Variants in GCSAML observed in about 807,000 individuals in gnomAD.
GCSAML encodes germinal center associated signaling and motility like.
A neutral mutation model predicts 13.0 loss-of-function variants in GCSAML; 9 were observed. The ratio of observed to expected loss-of-function variants is 0.69; its 90% confidence interval spans 0.42 to 1.21. The LOEUF (loss-of-function observed/expected upper bound fraction) is 1.21, where lower values mean the gene tolerates loss of function less well. GCSAML is among the 50% of genes most tolerant of loss of function. GCSAML has a pLI of 0.00. For missense variants in GCSAML, 143 were observed against 153.4 expected (o/e 0.93, Z 0.36); for synonymous variants, 37 against 52.9 (o/e 0.70, Z 1.31).
intron 1 of GCSAML, among the ~76,000 whole-genome samples, chr1:247,552,390 A>G (rs1667805431): frequency 6.6e-6 from 1 of 152,194 alleles, no homozygotes; most frequent in African/African-American, 2.4e-5. Flanking sequence ...ACACGGATGC[A>G]GAGAGCCTCC....
chr1:247,508,751 CATTT>C (rs1239872767), intron 1 of GCSAML, among the ~76,000 whole-genome samples: 2 of 152,132 alleles, frequency 1.3e-5, no homozygotes, highest in Admixed American at 1.3e-4. Flanking sequence ...TTCCCAGCAC[CATTT>C]ATTAAGAAGG....
In GCSAML at chr1:247,527,794, T is replaced by A. The variant is rs1666741547; in HGVS notation, c.-148+740T>A. 6.6e-6 allele frequency: 1 copy of A among 152,174 alleles called. No individual in the cohort carries two copies. The highest frequency in any genetic ancestry group is 1.5e-5 in the Non-Finnish European group (1 of 68,030). 9.4% of individuals were successfully genotyped at this position (152,174 alleles called of 1,614,324 possible). A position where few individuals can be genotyped will look rare whatever the true frequency, so the allele number is the denominator to read the frequency against. ...CTGTTTGAAAATACAGAATATATTA[T>A]TGTTATGGTCATCCCGCAGTGGTAT... On this transcript the variant is annotated intron_variant, in intron 2 of 5. Transcript: ENST00000366489. This position sits in a 1 kb window ranked among gnomAD's most constrained non-coding sequence, Gnocchi z 4.6.
At chr1:247,573,029 C>T (rs2103081199) in intron 4 of GCSAML, among the ~76,000 whole-genome samples, 1 of 152,314 alleles carries the variant, frequency 6.6e-6, no homozygotes. Context: ...CCCCACCAAG[C>T]TCGAATGTCC....
intron 1 of GCSAML, among the ~76,000 whole-genome samples, chr1:247,521,388 G>GTCTCCC (rs1460282484): frequency 1.3e-5 from 1 of 79,930 alleles, no homozygotes; most frequent in African/African-American, 3.8e-5. Context: ...CCTCTCCACG[G>GTCTCCC]TCTCCCTCTC....
At chr1:247,559,541 G>A (rs566045603) in intron 2 of GCSAML, among the ~76,000 whole-genome samples, 1 of 152,134 alleles carries the variant, frequency 6.6e-6, no homozygotes, top group Non-Finnish European at 1.5e-5. Flanking sequence ...GACATTGCAG[G>A]CAGCTTCCTC....
In GCSAML at chr1:247,527,678, TATAGTGATCAG is replaced by T. The variant is rs1274661609; in HGVS notation, c.-148+628_-148+638del. The T allele has an allele frequency of 6.6e-6, 1 of 152,392 alleles. No homozygotes were observed. Among genetic ancestry groups the T allele is most frequent in the Admixed American group, 6.5e-5 (1 of 15,304 alleles). 9.4% of individuals were successfully genotyped at this position (152,392 alleles called of 1,614,324 possible). A position where few individuals can be genotyped will look rare whatever the true frequency, so the allele number is the denominator to read the frequency against. On this transcript the variant is annotated intron_variant, in intron 2 of 5. Transcript: ENST00000366489. This position sits in a 1 kb window ranked among gnomAD's most constrained non-coding sequence, Gnocchi z 4.6. ...CAGTGATGTTTGGAAGCACATAATG[TATAGTGATCAG>T]ATAAGTGTGATTAGAATATCCATCA...
Position 247,549,171 on chromosome 1 carries a change from A to G in GCSAML, c.-21A>G. 6.2e-7 allele frequency: 1 copy of G among 1,614,174 alleles called. No individual in the cohort carries two copies. Among genetic ancestry groups the G allele is most frequent in the Non-Finnish European group, 8.5e-7 (1 of 1,180,020 alleles). On this transcript the variant is annotated 5_prime_UTR_variant, in exon 1 of 5. Coordinates refer to ENST00000366488, the MANE Select transcript of GCSAML (RefSeq NM_145278.5). ...AGTGGAGTGAAACTCAGGAGCTGAGAAACCGAGTCACTGTGAAAAGATGGG... is the reference window on the plus strand; with the variant it reads ...AGTGGAGTGAAACTCAGGAGCTGAGGAACCGAGTCACTGTGAAAAGATGGG...
At chr1:247,521,712 C>T (rs1666438021) in intron 1 of GCSAML, among the ~76,000 whole-genome samples, 1 of 152,218 alleles carries the variant, frequency 6.6e-6, no homozygotes, top group Non-Finnish European at 1.5e-5. Flanking sequence ...AGCGCAGTGG[C>T]ATGATCTCAG....
chr1:247,556,352 A>G lies in GCSAML; in HGVS notation c.30-55A>G, dbSNP rs150071532. 672 of 1,291,388 alleles carry G rather than the reference A, an allele frequency of 5.2e-4. No homozygotes were observed. The African/African-American group carries it at 9.3e-3, about 18-fold the overall frequency. The allele number at this position is 1,291,388 out of a possible 1,614,324, so 80.0% of individuals were successfully genotyped here. ...GTCTAGAAAGTTAGAGAAGAAGGTG[A>G]AAAAATGTGGAGGGCAGTAACAATC... is the stretch of plus-strand genomic sequence containing the variant. On this transcript the variant is annotated intron_variant, in intron 1 of 4. Transcript: ENST00000366488.
chr1:247,510,973 G>A (rs966090130), intron 1 of GCSAML, among the ~76,000 whole-genome samples: 4 of 152,068 alleles, frequency 2.6e-5, no homozygotes, highest in African/African-American at 9.7e-5. Context: ...TGTATATTCT[G>A]TTGATCTGGG....
At chr1:247,536,649 G>A (rs924479764) in intron 2 of GCSAML, among the ~76,000 whole-genome samples, 1 of 152,122 alleles carries the variant, frequency 6.6e-6, no homozygotes, top group Non-Finnish European at 1.5e-5. Flanking sequence ...AGGGAAAAAA[G>A]CTTTTGGGAT....
intron 2 of GCSAML, among the ~76,000 whole-genome samples, chr1:247,539,268 T>C (rs1340848396): frequency 6.6e-6 from 1 of 152,212 alleles, no homozygotes; most frequent in African/African-American, 2.4e-5. Context: ...TCAAACTTCA[T>C]GGCTCTTCAT....
In GCSAML at chr1:247,508,738, GT is replaced by G. The variant is rs1241559522; in HGVS notation, c.-263+1509del. On this transcript the variant is annotated intron_variant, in intron 1 of 5. Transcript: ENST00000366489. ...TCAGTTTTCTGCATGTGGCTAGCCA[GT>G]TTTCCCAGCACCATTTATTAAGAAG... is the stretch of plus-strand genomic sequence containing the variant. Among the ~76,000 whole-genome samples the G allele has an allele frequency of 1.6e-4, 24 of 152,288 alleles. No individual in the cohort carries two copies. The East Asian group carries it at 4.6e-3, about 29-fold the overall frequency.
chr1:247,536,631 A>C (rs993355489), intron 2 of GCSAML, among the ~76,000 whole-genome samples: 1 of 152,220 alleles, frequency 6.6e-6, no homozygotes, highest in African/African-American at 2.4e-5. Context: ...TCAGGGGAGT[A>C]AAAGTGGAGG....
At chr1:247,551,887 T>A (rs908286724) in intron 1 of GCSAML, among the ~76,000 whole-genome samples, 5 of 152,220 alleles carry the variant, frequency 3.3e-5, no homozygotes, top group Admixed American at 3.3e-4. Context: ...TAGATTCTTC[T>A]CGACCTCTCT....
rs916494329 is a variant in GCSAML at position 247,573,641 on chromosome 1, T to A, written c.169-502T>A. Among the ~76,000 whole-genome samples, 3 of 152,228 alleles carry A rather than the reference T, an allele frequency of 2.0e-5. No homozygotes were observed. The East Asian group carries it at 5.8e-4, about 29-fold the overall frequency. ...CTGGAGCTGTTCCTATTCAGCTTTG[T>A]TCTTTTTGCTTAGGATTGTCTTGGC... On this transcript the variant is annotated intron_variant, in intron 4 of 4. Transcript: ENST00000366488.
chr1:247,559,510 G>C (rs1375284593), intron 2 of GCSAML, among the ~76,000 whole-genome samples: 1 of 152,006 alleles, frequency 6.6e-6, no homozygotes, highest in African/African-American at 2.4e-5. Context: ...TCCCTGTGAC[G>C]GGAGATCAAG....
chr1:247,521,551 C>T (rs1443568978), intron 1 of GCSAML, among the ~76,000 whole-genome samples: 2 of 152,308 alleles, frequency 1.3e-5, no homozygotes, highest in South Asian at 2.1e-4. Context: ...GACTGGTTTT[C>T]GTATTTTTTT....
chr1:247,516,882 G>A (rs1418039878), intron 1 of GCSAML, among the ~76,000 whole-genome samples: 2 of 152,042 alleles, frequency 1.3e-5, no homozygotes, highest in East Asian at 3.9e-4. Flanking sequence ...AATTATAGGC[G>A]AGATCTATGT....
Sources: allele counts gnomAD v4.1 joint callset (sites outside exome capture counted in the v4.1 genomes callset), GRCh38; gene constraint gnomAD v4.1.1; non-coding constraint Gnocchi (gnomAD v3.1); transcripts MANE v1.5; gene names NCBI Gene and HGNC (gene_info 2026-07-23, HGNC 2026-07-21).